Variants in ATAD2B observed in about 807,000 individuals in gnomAD.
The protein encoded by ATAD2B is ATPase family AAA domain containing 2B, also known as ATPase family AAA domain-containing protein 2B.
A neutral mutation model predicts 167.6 loss-of-function variants in ATAD2B; 40 were observed. That is an observed-to-expected ratio of 0.24 (90% confidence interval 0.19 to 0.31). The LOEUF (loss-of-function observed/expected upper bound fraction) is 0.31, where lower values mean the gene tolerates loss of function less well. Ranked by LOEUF, ATAD2B falls within the 10% of genes least tolerant of loss-of-function variation. The pLI is 1.00. For synonymous variants in ATAD2B, 579 were observed against 596.5 expected, an observed-to-expected ratio of 0.97 and a Z score of 0.43; for missense variants, 1,242 against 1,757.2, an observed-to-expected ratio of 0.71 and a Z score of 5.24.
chr2:23,684,679 T>G, the ATAD2B span: 1 of 656,566 alleles, frequency 1.5e-6, no homozygotes, highest in Non-Finnish European at 2.5e-6. This position sits in a 1 kb window ranked among gnomAD's most constrained non-coding sequence, Gnocchi z 4.4. Context: ...CTCCTCCTCC[T>G]CCTCCTCCCC....
At chr2:23,705,278 G>A in the ATAD2B span, among the ~76,000 whole-genome samples, 1 of 152,168 alleles carries the variant, frequency 6.6e-6, no homozygotes, top group Non-Finnish European at 1.5e-5. Flanking sequence ...GGATCACGAG[G>A]TCAGGAGTTC....
intron 9 of ATAD2B, among the ~76,000 whole-genome samples, chr2:23,868,177 G>A (rs549568988): frequency 2.6e-5 from 4 of 152,038 alleles, no homozygotes; most frequent in South Asian, 2.1e-4. Flanking sequence ...CTATTTGCCC[G>A]AAGAGCCCAA....
At chr2:23,722,554 C>T in the ATAD2B span, among the ~76,000 whole-genome samples, 1 of 151,784 alleles carries the variant, frequency 6.6e-6, no homozygotes, top group African/African-American at 2.4e-5. Context: ...TAATAAAGAA[C>T]AAAAAAGAAT....
At chr2:23,818,362 C>CAA (rs6146683) in intron 17 of ATAD2B, among the ~76,000 whole-genome samples, 7 of 99,290 alleles carry the variant, frequency 7.1e-5, no homozygotes, top group African/African-American at 2.7e-4. Flanking sequence ...AGGTGAAAAG[C>CAA]AAAAAAAAAA....
At chr2:23,854,346 A>C (rs1693018419) in intron 13 of ATAD2B, among the ~76,000 whole-genome samples, 1 of 152,150 alleles carries the variant, frequency 6.6e-6, no homozygotes. Flanking sequence ...ACTGATACAC[A>C]AACATTAACG....
chr2:23,815,774 C>T (rs774056393), intron 17 of ATAD2B, among the ~76,000 whole-genome samples: 10 of 152,128 alleles, frequency 6.6e-5, no homozygotes, highest in Non-Finnish European at 1.3e-4. Flanking sequence ...TCTAAATATG[C>T]CAAAATGTAT....
intron 1 of ATAD2B, among the ~76,000 whole-genome samples, chr2:23,913,640 G>GAA (rs1425105055): frequency 6.5e-4 from 62 of 94,748 alleles, no homozygotes; most frequent in Non-Finnish European, 8.6e-4. Flanking sequence ...ACTCTCTTGA[G>GAA]AAAAAAAAAA....
At chr2:23,871,545 C>T (rs1200125791) in intron 8 of ATAD2B, among the ~76,000 whole-genome samples, 1 of 152,210 alleles carries the variant, frequency 6.6e-6, no homozygotes, top group Admixed American at 6.5e-5. Flanking sequence ...GACTCTGTCT[C>T]CTTTTTCTTC....
chr2:23,763,910 G>A (rs72780108), intron 23 of ATAD2B, among the ~76,000 whole-genome samples: 18,206 of 152,116 alleles, frequency 0.12, 1,166 homozygotes, highest in Middle Eastern at 0.21. Flanking sequence ...TTTGAAGTTC[G>A]TCCATGTTGT....
chr2:23,699,750 G>GCCCCA, the ATAD2B span, among the ~76,000 whole-genome samples: 1 of 152,024 alleles, frequency 6.6e-6, no homozygotes, highest in Non-Finnish European at 1.5e-5. Flanking sequence ...TAACACACTG[G>GCCCCA]CCCCACCACA....
At chr2:23,687,093 G>A in the ATAD2B span, among the ~76,000 whole-genome samples, 5,871 of 152,260 alleles carry the variant, frequency 0.039, 138 homozygotes, top group Non-Finnish European at 0.05. Flanking sequence ...TGCAGTGGCC[G>A]GATTGGCCCA....
chr2:23,693,184 G>T, the ATAD2B span: 1 of 1,449,906 alleles, frequency 6.9e-7, no homozygotes. Flanking sequence ...TGGGTTCAGA[G>T]AAGGATCTAG....
chr2:23,686,912 A>G, the ATAD2B span, among the ~76,000 whole-genome samples: 3 of 152,194 alleles, frequency 2.0e-5, no homozygotes, highest in Non-Finnish European at 4.4e-5. Flanking sequence ...CAGAGCACAC[A>G]TGACCAAGAA....
the ATAD2B span, among the ~76,000 whole-genome samples, chr2:23,741,303 T>C: frequency 2.0e-5 from 3 of 152,150 alleles, no homozygotes; most frequent in Non-Finnish European, 2.9e-5. Flanking sequence ...CTTCAAACTA[T>C]ACTACAAGGC....
chr2:23,696,246 G>T, the ATAD2B span: 1 of 1,490,922 alleles, frequency 6.7e-7, no homozygotes, highest in Admixed American at 2.0e-5. This position sits in a 1 kb window ranked among gnomAD's most constrained non-coding sequence, Gnocchi z 5.5. Flanking sequence ...TGCAGGTGAA[G>T]CCTTCCTCTG....
intron 5 of ATAD2B, among the ~76,000 whole-genome samples, chr2:23,885,516 CA>C (rs966500141): frequency 6.6e-6 from 1 of 152,040 alleles, no homozygotes; most frequent in African/African-American, 2.4e-5. Context: ...ACTCATCCAG[CA>C]AAAGTGAAGA....
chr2:23,765,686 G>A, intron 22 of ATAD2B, 58 bp from the exon 23 acceptor site: 1 of 1,109,430 alleles, frequency 9.0e-7, no homozygotes, highest in African/African-American at 1.6e-5. Context: ...CATTAACAAA[G>A]GACATCTTAA....
At chr2:23,911,110 A>G (rs543335743) in intron 1 of ATAD2B, among the ~76,000 whole-genome samples, 2 of 150,858 alleles carry the variant, frequency 1.3e-5, no homozygotes, top group African/African-American at 2.4e-5. Flanking sequence ...AATGCCAGCT[A>G]CTCGGGAGGC....
the ATAD2B span, chr2:23,696,519 G>A: frequency 9.2e-6 from 14 of 1,516,308 alleles, no homozygotes; most frequent in African/African-American, 1.4e-4. The surrounding 1 kb of genome is among the most constrained non-coding windows in gnomAD (Gnocchi z 5.5). Flanking sequence ...GAGAGGTAAT[G>A]AGGCCACGGT....
Sources: allele counts gnomAD v4.1 joint callset (sites outside exome capture counted in the v4.1 genomes callset), GRCh38; gene constraint gnomAD v4.1.1; non-coding constraint Gnocchi (gnomAD v3.1); transcripts MANE v1.5; gene names NCBI Gene and HGNC (gene_info 2026-07-23, HGNC 2026-07-21).